Variants in ATG4C observed in about 807,000 individuals in gnomAD.
The protein encoded by ATG4C is autophagy related 4C cysteine peptidase.
Under a neutral mutation model 57.6 loss-of-function variants are expected in ATG4C, and 56 were observed. The ratio of observed to expected loss-of-function variants is 0.97; its 90% CI spans 0.78 to 1.21. The LOEUF (loss-of-function observed/expected upper bound fraction) is 1.21, where lower values mean the gene tolerates loss of function less well. Ranked by LOEUF, ATG4C falls within the 50% of genes most tolerant of loss-of-function variation. The probability of loss-of-function intolerance (pLI) is 0.00; values close to 1 mark genes in which losing one functional copy is unlikely to be tolerated. For missense variants in ATG4C, 595 were observed against 529.8 expected (o/e 1.12, Z -1.21); for synonymous variants, 157 against 174.1 (o/e 0.90, Z 0.78).
chr1:62,853,380 G>A (rs1666579501), intron 10 of ATG4C, among the ~76,000 whole-genome samples: 1 of 152,204 alleles, frequency 6.6e-6, no homozygotes, highest in Admixed American at 6.5e-5. Flanking sequence ...ACATCATTAT[G>A]AGGATTAAAG....
At position 62,865,512 on chromosome 1, in the gene ATG4C, T is replaced by G. The variant is rs1297455060; in HGVS notation, c.*1353T>G. The G allele has an allele frequency of 9.2e-5, 14 of 151,958 alleles. No individual in the cohort carries two copies. Among genetic ancestry groups the G allele is most frequent in the Non-Finnish European group, 1.5e-4 (10 of 67,862 alleles). 9.4% of individuals were successfully genotyped at this position (151,958 alleles called of 1,614,324 possible). Reference sequence around the variant, plus strand: ...GAGTTGAAATAAATAGTCTGAAATCTAAAAGTTTTCTTTAGTCTAAATACA... The same window carrying G: ...GAGTTGAAATAAATAGTCTGAAATCGAAAAGTTTTCTTTAGTCTAAATACA... On this transcript the variant is annotated 3_prime_UTR_variant, in exon 11 of 11. Coordinates refer to ENST00000317868, the MANE Select transcript of ATG4C (RefSeq NM_032852.4).
intron 1 of ATG4C, among the ~76,000 whole-genome samples, chr1:62,795,033 A>G (rs187810612): frequency 2.1e-4 from 32 of 152,354 alleles, no homozygotes; most frequent in African/African-American, 7.0e-4. Flanking sequence ...AAAATTCTAA[A>G]TCAATATCTA....
intron 10 of ATG4C, among the ~76,000 whole-genome samples, chr1:62,860,534 C>T (rs1049161714): frequency 5.9e-5 from 9 of 152,150 alleles, no homozygotes; most frequent in African/African-American, 2.2e-4. Flanking sequence ...CTTATAGGAC[C>T]ACTGTTGTAT....
At chr1:62,857,471 A>G (rs1398794840) in intron 10 of ATG4C, among the ~76,000 whole-genome samples, 1 of 152,186 alleles carries the variant, frequency 6.6e-6, no homozygotes, top group Middle Eastern at 3.2e-3. Context: ...CATTATAGTG[A>G]GTTGTGTAAT....
chr1:62,796,954 A>G (rs1664490101), intron 1 of ATG4C, among the ~76,000 whole-genome samples: 1 of 152,080 alleles, frequency 6.6e-6, no homozygotes, highest in Non-Finnish European at 1.5e-5. Context: ...CTAAAAATAC[A>G]AAAATTAGCT....
intron 6 of ATG4C, among the ~76,000 whole-genome samples, chr1:62,825,158 C>T (rs970550215): frequency 1.5e-4 from 22 of 151,064 alleles, no homozygotes; most frequent in African/African-American, 5.1e-4. Flanking sequence ...ATCCCTTGAA[C>T]CTAGGAGGCG....
chr1:62,811,764 G>A (rs1665092049), intron 3 of ATG4C, among the ~76,000 whole-genome samples: 1 of 152,152 alleles, frequency 6.6e-6, no homozygotes, highest in Non-Finnish European at 1.5e-5. Flanking sequence ...TCTTCCTGAA[G>A]TTCTATCAGT....
At chr1:62,804,397 C>CTT (rs963123020) in intron 2 of ATG4C, among the ~76,000 whole-genome samples, 2 of 150,530 alleles carry the variant, frequency 1.3e-5, no homozygotes, top group African/African-American at 2.4e-5. Context: ...GCCTTTTTTC[C>CTT]TTTTTTTTTA....
At chr1:62,844,249 ACTTG>A (rs900749756) in intron 10 of ATG4C, among the ~76,000 whole-genome samples, 2 of 152,172 alleles carry the variant, frequency 1.3e-5, no homozygotes, top group Admixed American at 6.5e-5. Context: ...TTTGAGAACC[ACTTG>A]CATAAGACAG....
chr1:62,839,529 G>C (rs1440260874), intron 9 of ATG4C, among the ~76,000 whole-genome samples: 5 of 152,106 alleles, frequency 3.3e-5, no homozygotes, highest in Non-Finnish European at 7.4e-5. Context: ...TGGGCAAATG[G>C]TTATTTGTAG....
intron 10 of ATG4C, among the ~76,000 whole-genome samples, chr1:62,859,699 CT>C (rs71045861): frequency 0.44 from 66,376 of 150,798 alleles, 14,647 homozygotes; most frequent in East Asian, 0.66. Context: ...CTTTCTGTAA[CT>C]TTTTTTTTTC....
intron 7 of ATG4C, among the ~76,000 whole-genome samples, chr1:62,830,274 G>A (rs182813679): frequency 6.6e-6 from 1 of 152,148 alleles, no homozygotes; most frequent in African/African-American, 2.4e-5. Flanking sequence ...TAGGGTTATT[G>A]GTGCAGTATG....
At chr1:62,830,607 G>A (rs921219180) in intron 7 of ATG4C, among the ~76,000 whole-genome samples, 3 of 152,160 alleles carry the variant, frequency 2.0e-5, no homozygotes, top group Non-Finnish European at 4.4e-5. Context: ...GCTTGACCAT[G>A]GTTTGTAGTG....
At chr1:62,816,923 CTG>C (rs1367590937) in intron 4 of ATG4C, 115 bp downstream of exon 4, 3 of 849,774 alleles carry the variant, frequency 3.5e-6, no homozygotes, top group South Asian at 2.1e-5. Context: ...AATTTCTTGA[CTG>C]TGAGATTTTC....
In ATG4C at chr1:62,853,034, T is replaced by G. The variant is rs114586774; in HGVS notation, c.1210-10958T>G. Among the ~76,000 whole-genome samples, 33 of 152,314 alleles carry G rather than the reference T, an allele frequency of 2.2e-4. 1 individual carries two copies. Among genetic ancestry groups the G allele is most frequent in the African/African-American group, 7.9e-4 (33 of 41,572 alleles). On this transcript the variant is annotated intron_variant, in intron 10 of 10. Transcript: ENST00000317868. ...AGTGCCTTCCTATGAAAAAGATGCATAGATGGTAAATTTTTTGAATTCCTG... is the reference window on the plus strand; with the variant it reads ...AGTGCCTTCCTATGAAAAAGATGCAGAGATGGTAAATTTTTTGAATTCCTG...
At chr1:62,790,957 G>C (rs1664256584) in intron 1 of ATG4C, among the ~76,000 whole-genome samples, 1 of 152,118 alleles carries the variant, frequency 6.6e-6, no homozygotes, top group Admixed American at 6.5e-5. Context: ...CAAGTAATAG[G>C]TCTAATGTTT....
intron 6 of ATG4C, among the ~76,000 whole-genome samples, chr1:62,827,832 C>T (rs531682848): frequency 6.6e-6 from 1 of 152,192 alleles, no homozygotes; most frequent in Non-Finnish European, 1.5e-5. Context: ...CAAGTAGACC[C>T]GAGTGTCTGT....
At chr1:62,784,641 T>TA (rs1664022962) in intron 1 of ATG4C, among the ~76,000 whole-genome samples, 1 of 151,954 alleles carries the variant, frequency 6.6e-6, no homozygotes, top group South Asian at 2.1e-4. Flanking sequence ...GTTTAAAAAA[T>TA]AAAAAAAGGG....
In ATG4C at chr1:62,803,717, A is replaced by G; in HGVS notation, c.-68-2A>G. 1 of 1,061,634 alleles carries G rather than the reference A, an allele frequency of 9.4e-7. No individual in the cohort carries two copies. The highest frequency in any genetic ancestry group is 1.6e-5 in the South Asian group (1 of 63,140). The allele number at this position is 1,061,634 out of a possible 1,614,324, so 65.8% of individuals were successfully genotyped here. ...ACTGATTTTTTTCCTTAATTTTTAAAGTCAGTATAAAAGATTAAACTCTAC... is the reference window on the plus strand; with the variant it reads ...ACTGATTTTTTTCCTTAATTTTTAAGGTCAGTATAAAAGATTAAACTCTAC... On this transcript the variant is annotated splice_acceptor_variant, in intron 1 of 10. Coordinates refer to ENST00000317868, the MANE Select transcript of ATG4C (RefSeq NM_032852.4). LOFTEE classifies it low-confidence loss of function (5UTR_SPLICE).
Sources: gnomAD v4.1 joint callset for allele counts (sites outside exome capture counted in the v4.1 genomes callset) on GRCh38, gnomAD v4.1.1 for gene constraint, MANE v1.5 for transcripts, NCBI Gene and HGNC (gene_info 2026-07-23, HGNC 2026-07-21) for gene names.